LSR: variants seen among roughly 807,000 people sequenced by gnomAD.
The protein encoded by LSR is lipolysis-stimulated lipoprotein receptor.
In LSR, 44 loss-of-function variants were observed where a neutral mutation model predicts 61.8. The ratio of observed to expected loss-of-function variants is 0.71; its 90% CI spans 0.56 to 0.91. The LOEUF is 0.91. LSR is among the 40% of genes least tolerant of loss of function. The pLI is 0.00. For synonymous variants in LSR, 397 were observed against 350.6 expected (o/e 1.13, Z -1.48); for missense variants, 911 against 830.5 (o/e 1.10, Z -1.19).
chr19:35,259,189 C>G, intron 3 of LSR, 125 bp downstream of exon 3: 1 of 1,247,724 alleles, frequency 8.0e-7, no homozygotes, highest in South Asian at 1.5e-5. Context: ...CTGCTCTGCT[C>G]TCCCCCAGGC....
chr19:35,257,227 G>A (rs2065866978), intron 2 of LSR, among the ~76,000 whole-genome samples: 1 of 152,144 alleles, frequency 6.6e-6, no homozygotes, highest in African/African-American at 2.4e-5. Flanking sequence ...TCTGCCTCAC[G>A]GAGCCCACAT....
chr19:35,254,762 C>T (rs2065836782), intron 2 of LSR, among the ~76,000 whole-genome samples: 1 of 152,200 alleles, frequency 6.6e-6, no homozygotes. Context: ...CGGATGAGAT[C>T]ACGGCCAGCC....
intron 3 of LSR, among the ~76,000 whole-genome samples, chr19:35,260,423 C>G (rs2065912597): frequency 6.6e-6 from 1 of 150,918 alleles, no homozygotes; most frequent in African/African-American, 2.4e-5. Flanking sequence ...TCCCAGGTAG[C>G]TGGGACTACA....
chr19:35,249,177 T>C, intron 1 of LSR, 46 bp downstream of exon 1: 3 of 1,507,118 alleles, frequency 2.0e-6, no homozygotes, highest in Non-Finnish European at 8.8e-7. Context: ...CGGAGGGAAC[T>C]GTAGAGGGGG....
intron 2 of LSR, among the ~76,000 whole-genome samples, chr19:35,257,565 C>T (rs2065871407): frequency 6.6e-6 from 1 of 152,114 alleles, no homozygotes; most frequent in Non-Finnish European, 1.5e-5. Context: ...CTGTGGACTG[C>T]AGCACGCGTG....
At chr19:35,249,223 G>C (rs1297266475) in intron 1 of LSR, 92 bp downstream of exon 1, 87 of 1,448,152 alleles carry the variant, frequency 6.0e-5, no homozygotes, top group Non-Finnish European at 7.4e-5. Flanking sequence ...AGCGGGAAGC[G>C]GGGGTCTCAG....
At position 35,262,662 on chromosome 19, in the gene LSR, T is replaced by C; in HGVS notation, c.748T>C (p.Cys250Arg). The C allele has an allele frequency of 6.2e-7, 1 of 1,614,110 alleles. No homozygotes were observed. The highest frequency in any genetic ancestry group is 8.5e-7 in the Non-Finnish European group (1 of 1,179,992). Reference sequence around the variant, plus strand: ...CTGCTGCTACGTCAGGTGCCCCTGCTGCCCAGACAAGTGCTGCTGCCCCGA... The same window carrying C: ...CTGCTGCTACGTCAGGTGCCCCTGCCGCCCAGACAAGTGCTGCTGCCCCGA... ...TCCCYVRCPC[C>R]PDKCCCPEAL... The change falls in exon 5 of 10, where the codon TGC becomes CGC. Residue 250 changes from cysteine to arginine, a missense_variant. Physicochemically the swap from Cys to Arg is radical, Grantham distance 180. Transcript: ENST00000605618.
At chr19:35,266,190 G>A (rs2065995448) in intron 5 of LSR, among the ~76,000 whole-genome samples, 169 bp from the exon 6 acceptor site, 3 of 152,222 alleles carry the variant, frequency 2.0e-5, no homozygotes, top group Non-Finnish European at 4.4e-5. Context: ...CAGGGATGCT[G>A]CAGAAATGGA....
At chr19:35,266,209 C>A (rs1448543630) in intron 5 of LSR, 150 bp from the exon 6 acceptor site, 3 of 590,736 alleles carry the variant, frequency 5.1e-6, no homozygotes, top group African/African-American at 3.7e-5. Context: ...GAATGAGGAC[C>A]AACAGGGACT....
chr19:35,249,135 C>G lies in LSR; in HGVS notation c.109+4C>G. 6.5e-7 allele frequency: 1 copy of G among 1,528,210 alleles called. No individual in the cohort carries two copies. The highest frequency in any genetic ancestry group is 8.8e-7 in the Non-Finnish European group (1 of 1,142,068). 94.7% of individuals were successfully genotyped at this position (1,528,210 alleles called of 1,614,324 possible). A position where few individuals can be genotyped will look rare whatever the true frequency, so the allele number is the denominator to read the frequency against. ...CTGCTTAGCACCTGGTGCACAGGTA[C>G]GGGGCACGGGGCCTCTGACGCTGCG... On this transcript the variant is annotated splice_donor_region_variant and intron_variant, in intron 1 of 9. Coordinates refer to ENST00000605618, the MANE Select transcript of LSR (RefSeq NM_205834.4).
chr19:35,255,958 C>T (rs1275193214), intron 2 of LSR, among the ~76,000 whole-genome samples: 1 of 151,146 alleles, frequency 6.6e-6, no homozygotes, highest in Non-Finnish European at 1.5e-5. Context: ...TCAGGCCTAG[C>T]GAGGTGGCTC....
Position 35,267,268 on chromosome 19 carries a change from GC to G in LSR, c.1305del (p.Trp436GlyfsTer112). The G allele has an allele frequency of 4.6e-6, 7 of 1,521,442 alleles. No individual in the cohort carries two copies. The highest frequency in any genetic ancestry group is 6.2e-6 in the Non-Finnish European group (7 of 1,134,944). 94.2% of individuals were successfully genotyped at this position (1,521,442 alleles called of 1,614,324 possible). On this transcript the variant is annotated frameshift_variant, in exon 9 of 10. Transcript: ENST00000605618. LOFTEE classifies it high-confidence loss of function. ...QEPAREQAGG[G>X]WRARRPRARS... Reference sequence around the variant, plus strand: ...CCCGCCAGGGAGCAGGCAGGCGGGGGCTGGCGGGCCAGGCGGCCCCGGGCCC... The same window carrying G: ...CCCGCCAGGGAGCAGGCAGGCGGGGGTGGCGGGCCAGGCGGCCCCGGGCCC...
In LSR at chr19:35,267,440, G is replaced by A. The variant is rs1219812101; in HGVS notation, c.1476G>A (p.Ser492=). 11 of 1,610,592 alleles carry A rather than the reference G, an allele frequency of 6.8e-6. No individual in the cohort carries two copies. Among genetic ancestry groups the A allele is most frequent in the Admixed American group, 1.7e-5 (1 of 59,826 alleles). The part of the protein sequence containing the change: ...SRDDLYDQDD[S]RDFPRSRDPH... ...ACGACCTCTATGACCAAGACGACTC[G>A]AGGGACTTCCCACGCTCCCGGGACC... Residue 492 remains serine (S), a synonymous_variant, in exon 9 of 10, where the codon TCG becomes TCA. Transcript: ENST00000605618.
In LSR at chr19:35,250,608, G is replaced by A. The variant is rs780751880; in HGVS notation, c.403G>A (p.Ala135Thr). 1.9e-6 allele frequency: 3 copies of A among 1,602,038 alleles called. No homozygotes were observed. The highest frequency in any genetic ancestry group is 2.2e-5 in the East Asian group (1 of 44,622). The change falls in exon 2 of 10, where the codon GCT (alanine) becomes ACT (threonine). Residue 135 changes from alanine to threonine, a missense_variant. Coordinates refer to ENST00000605618, the MANE Select transcript of LSR (RefSeq NM_205834.4). ...GGTCGTGGCCACCAAGCAGGGCAAC[G>A]CTGTGACCCTGGGAGATTACTACCA... ...VRVVATKQGN[A>T]VTLGDYYQGR...
intron 1 of LSR, 142 bp downstream of exon 1, chr19:35,249,273 G>A (rs1399480050): frequency 2.8e-6 from 3 of 1,056,560 alleles, no homozygotes; most frequent in Non-Finnish European, 3.9e-6. Flanking sequence ...TGGGCGATCT[G>A]TTGCGCGCGG....
At chr19:35,250,261 G>C in intron 1 of LSR, 54 bp from the exon 2 acceptor site, 1 of 1,267,796 alleles carries the variant, frequency 7.9e-7, no homozygotes, top group Non-Finnish European at 1.1e-6. Context: ...CGTTCCTGTT[G>C]AAGCACCTCC....
At chr19:35,267,072 C>T (rs1227603977) in intron 8 of LSR, 37 bp from the exon 9 acceptor site, 1 of 1,528,990 alleles carries the variant, frequency 6.5e-7, no homozygotes, top group African/African-American at 1.4e-5. Context: ...GGACCCCGGG[C>T]TCCTCCAGCA....
Position 35,262,658 on chromosome 19 carries a change from C to T in LSR, c.744C>T (p.Pro248=). ...CTTGCTGCTGCTACGTCAGGTGCCC[C>T]TGCTGCCCAGACAAGTGCTGCTGCC... The part of the protein sequence containing the change: ...PHTCCCYVRC[P]CCPDKCCCPE... Residue 248 remains proline (P), a synonymous_variant, in exon 5 of 10, where the codon CCC becomes CCT. Transcript: ENST00000605618. 2 of 1,614,136 alleles carry T rather than the reference C, an allele frequency of 1.2e-6. No homozygotes were observed. Among genetic ancestry groups the T allele is most frequent in the Non-Finnish European group, 1.7e-6 (2 of 1,180,018 alleles).
intron 5 of LSR, chr19:35,264,593 A>C (rs564813659): frequency 6.6e-6 from 1 of 152,308 alleles, no homozygotes; most frequent in Admixed American, 6.5e-5. Context: ...GTCTGGGTAG[A>C]CCAGCCTGTG....
Sources: gnomAD v4.1 joint callset for allele counts (sites outside exome capture counted in the v4.1 genomes callset) on GRCh38, gnomAD v4.1.1 for gene constraint, MANE v1.5 for transcripts, NCBI Gene and HGNC (gene_info 2026-07-23, HGNC 2026-07-21) for gene names.